Variants in USH2A observed in about 807,000 individuals in gnomAD.
USH2A encodes the protein usherin.
USH2A carries 443 observed loss-of-function variants against 538.9 expected under a neutral mutation model. The ratio of observed to expected loss-of-function variants is 0.82; its 90% CI spans 0.76 to 0.89. The LOEUF (loss-of-function observed/expected upper bound fraction) is 0.89. Ranked by LOEUF, USH2A falls within the 40% of genes least tolerant of loss-of-function variation. The pLI is 0.00. For synonymous variants in USH2A, 2,413 were observed against 2,273.5 expected, an observed-to-expected ratio of 1.06 and a Z score of -1.75; for missense variants, 6,633 against 6,324.8, an observed-to-expected ratio of 1.05 and a Z score of -1.65.
rs1426135314 is a variant in USH2A, at chr1:215,634,548, C to A, written c.15208G>T (p.Glu5070Ter). 6.2e-7 allele frequency: 1 copy of A among 1,614,178 alleles called. No homozygotes were observed. Among genetic ancestry groups the A allele is most frequent in the Non-Finnish European group, 8.5e-7 (1 of 1,180,032 alleles). ...GGAGGTCTTTCTCTGATATATGGCT[C>A]TTTGTGGATTTTTCTTTGTAGTATC... ...SLILQRKIHK[E>*]PYIRERPPLV... The change falls in exon 70 of 72, where the codon GAG (glutamate) becomes TAG (stop). Residue 5070 changes from glutamate to a stop codon, truncating the protein, a stop_gained. Transcript: ENST00000307340. LOFTEE classifies it high-confidence loss of function.
chr1:216,083,566 A>C lies in USH2A; in HGVS notation c.5188T>G (p.Tyr1730Asp). 1.2e-6 allele frequency: 2 copies of C among 1,612,300 alleles called. No individual in the cohort carries two copies. The highest frequency in any genetic ancestry group is 1.7e-6 in the Non-Finnish European group (2 of 1,179,000). The change falls in exon 26 of 72, where the codon TAT becomes GAT. Residue 1730 changes from tyrosine (Y) to aspartate (D), a missense_variant. Physicochemically the swap from Tyr to Asp is radical, Grantham distance 160. Coordinates refer to ENST00000307340, the MANE Select transcript of USH2A (RefSeq NM_206933.4). ...AAGTTCATTCCACCATGAAACATAT[A>C]TGGATGAAGTTCCAGGAACCCTTTA... ...LGAGFLELHPYMFHGGMNFEI... is the reference protein window; with the variant it reads ...LGAGFLELHPDMFHGGMNFEI...
At chr1:216,063,067 C>T (rs2102539528) in intron 30 of USH2A, among the ~76,000 whole-genome samples, 1 of 152,228 alleles carries the variant, frequency 6.6e-6, no homozygotes, top group Non-Finnish European at 1.5e-5. Context: ...ATATTAAAAT[C>T]TCAACAAAAG....
chr1:216,099,706 G>A (rs146789839), intron 21 of USH2A, among the ~76,000 whole-genome samples: 1,880 of 152,254 alleles, frequency 0.012, 24 homozygotes, highest in Middle Eastern at 0.044. Context: ...TTGATATGAG[G>A]TGATGGTGTG....
chr1:215,864,307 T>C (rs570631681), intron 44 of USH2A, among the ~76,000 whole-genome samples: 8 of 152,336 alleles, frequency 5.3e-5, no homozygotes, highest in African/African-American at 1.7e-4. Flanking sequence ...TTCTATCTCA[T>C]TGTGCTTTTC....
At position 216,232,039 on chromosome 1, in the gene USH2A, C is replaced by CTA. The variant is rs766498059; in HGVS notation, c.2906_2907insTA (p.Gln969HisfsTer43). 1.2e-6 allele frequency: 2 copies of CTA among 1,614,064 alleles called. No individual in the cohort carries two copies. Among genetic ancestry groups the CTA allele is most frequent in the South Asian group, 2.2e-5 (2 of 91,076 alleles). On this transcript the variant is annotated frameshift_variant, in exon 14 of 72. Coordinates refer to ENST00000307340, the MANE Select transcript of USH2A (RefSeq NM_206933.4). LOFTEE classifies it high-confidence loss of function. ...CAATGGAAGCATCTTGGCAAACACA[C>CTA]TGACCAGTCAGGCTATTACAGATGT...
In USH2A at chr1:215,655,725, C is replaced by CTT. The variant is rs766225635; in HGVS notation, c.14134-4926_14134-4925dup. Among the ~76,000 whole-genome samples the CTT allele has an allele frequency of 6.0e-3, 581 of 96,200 alleles. 26 individuals are homozygous for CTT. The highest frequency in any genetic ancestry group is 0.033 in the South Asian group (73 of 2,206). The allele number at this position is 96,200 out of a possible 152,430, so 63.1% of individuals were successfully genotyped here. A position where few individuals can be genotyped will look rare whatever the true frequency, so the allele number is the denominator to read the frequency against. On this transcript the variant is annotated intron_variant, in intron 64 of 71. Coordinates refer to ENST00000307340, the MANE Select transcript of USH2A (RefSeq NM_206933.4). ...TGCTTCTGTTACTGTGCTAGTTATT[C>CTT]TTTTTTTTTTTTTTTTTTTTTTTTC...
At position 215,836,561 on chromosome 1, in the gene USH2A, A is replaced by ATTT. The variant is rs1447368873; in HGVS notation, c.9371+1429_9371+1430insAAA. 8.7e-4 allele frequency among the ~76,000 whole-genome samples: 19 copies of ATTT among 21,928 alleles called. 1 individual carries two copies. The highest frequency in any genetic ancestry group is 3.8e-3 in the East Asian group (1 of 262). The allele number at this position is 21,928 out of a possible 152,430, so 14.4% of individuals were successfully genotyped here. ...ATATATAATATATATATATATATAT[A>ATTT]TATATTTTTTTTTGAGACAGAGTAT... is the stretch of plus-strand genomic sequence containing the variant. On this transcript the variant is annotated intron_variant, in intron 47 of 71. Coordinates refer to ENST00000307340, the MANE Select transcript of USH2A (RefSeq NM_206933.4).
At chr1:216,010,089 G>A (rs928175042) in intron 32 of USH2A, among the ~76,000 whole-genome samples, 7 of 152,022 alleles carry the variant, frequency 4.6e-5, no homozygotes, top group African/African-American at 1.5e-4. Context: ...ATTAAATTCT[G>A]GCCCTCAAAC....
intron 61 of USH2A, among the ~76,000 whole-genome samples, chr1:215,690,841 G>A (rs908726773): frequency 6.6e-6 from 1 of 151,946 alleles, no homozygotes; most frequent in Non-Finnish European, 1.5e-5. Context: ...CTACCACTCT[G>A]ATCCAAGCCA....
chr1:216,150,857 C>G (rs1023296999), intron 21 of USH2A, among the ~76,000 whole-genome samples: 5 of 152,204 alleles, frequency 3.3e-5, no homozygotes, highest in Admixed American at 3.3e-4. Context: ...TGTTCCTTTA[C>G]TCTTCATCTC....
In USH2A at chr1:216,349,419, C is replaced by A. The variant is rs1034419406; in HGVS notation, c.784+15534G>T. ...AGGCTGAGGCCTACTGGGCTGCATT[C>A]TCAAGAGGGTAAGTCATCCTAAGTC... On this transcript the variant is annotated intron_variant, in intron 4 of 71. Transcript: ENST00000307340. 2.6e-5 allele frequency among the ~76,000 whole-genome samples: 4 copies of A among 152,076 alleles called. No homozygotes were observed. The East Asian group carries it at 7.7e-4, about 29-fold the overall frequency.
At chr1:215,795,859 A>G (rs185956895) in intron 50 of USH2A, among the ~76,000 whole-genome samples, 2 of 152,316 alleles carry the variant, frequency 1.3e-5, no homozygotes, top group East Asian at 1.9e-4. Flanking sequence ...CGAATTATTG[A>G]GGACCCCAAA....
intron 21 of USH2A, among the ~76,000 whole-genome samples, chr1:216,169,567 A>G (rs1246028445): frequency 6.6e-6 from 1 of 152,116 alleles, no homozygotes; most frequent in Non-Finnish European, 1.5e-5. Flanking sequence ...TGACATTTAC[A>G]TCTCCATATC....
At chr1:215,973,656 C>CTTTTTTTTTTT (rs750306238) in intron 35 of USH2A, among the ~76,000 whole-genome samples, 13 of 130,958 alleles carry the variant, frequency 9.9e-5, no homozygotes, top group Non-Finnish European at 1.4e-4. Flanking sequence ...TCTTCTTCTT[C>CTTTTTTTTTTT]TTTTTTTTTT....
intron 51 of USH2A, among the ~76,000 whole-genome samples, chr1:215,788,645 A>G (rs1374523773): frequency 6.6e-6 from 1 of 152,204 alleles, no homozygotes; most frequent in Non-Finnish European, 1.5e-5. Context: ...GGATAAAGAG[A>G]ACATCTTCAA....
rs765613123 is a variant in USH2A at position 216,199,759 on chromosome 1, C to G, written c.3679G>C (p.Gly1227Arg). The G allele has an allele frequency of 2.0e-5, 32 of 1,613,962 alleles. No individual in the cohort carries two copies. The highest frequency in any genetic ancestry group is 4.2e-6 in the Non-Finnish European group (5 of 1,180,002). ...GTAATGGGCAAGCTGTGTAAACAGC[C>G]CCCGCTAGTACACGCCTGTACAGAA... The part of the protein sequence containing the change: ...DFSVQACTSG[G>R]CLHSLPITVT... Residue 1227 changes from glycine to arginine, a missense_variant, in exon 17 of 72, where the codon GGC becomes CGC. Transcript: ENST00000307340.
chr1:216,227,255 G>T (rs1470813352), intron 14 of USH2A, among the ~76,000 whole-genome samples: 1 of 152,066 alleles, frequency 6.6e-6, no homozygotes, highest in Non-Finnish European at 1.5e-5. Context: ...ACCACACATG[G>T]TGAATAAAGA....
At chr1:215,691,669 C>T (rs1658617056) in intron 61 of USH2A, among the ~76,000 whole-genome samples, 1 of 152,164 alleles carries the variant, frequency 6.6e-6, no homozygotes, top group Non-Finnish European at 1.5e-5. Context: ...TGCTTGTTGT[C>T]TGTCTTTCCT....
intron 4 of USH2A, among the ~76,000 whole-genome samples, chr1:216,340,299 C>T (rs537567580): frequency 1.6e-4 from 24 of 151,792 alleles, no homozygotes; most frequent in African/African-American, 3.1e-4. Flanking sequence ...CAGGAAAAGT[C>T]GAATCCCTGA....
Sources: allele counts gnomAD v4.1 joint callset (sites outside exome capture counted in the v4.1 genomes callset), GRCh38; gene constraint gnomAD v4.1.1; transcripts MANE v1.5; gene names NCBI Gene and HGNC (gene_info 2026-07-23, HGNC 2026-07-21).